The following FAM185A variants were observed in gnomAD, a reference collection of about 807,000 sequenced individuals.
FAM185A encodes family with sequence similarity 185 member A, also known as protein FAM185A.
In FAM185A, 21 loss-of-function variants were observed where a neutral mutation model predicts 45.7. That is an observed-to-expected ratio of 0.46 (90% CI 0.33 to 0.66). The LOEUF (loss-of-function observed/expected upper bound fraction) is 0.66, where lower values mean the gene tolerates loss of function less well. FAM185A is among the 30% of genes least tolerant of loss of function. FAM185A has a pLI of 0.03. For missense variants in FAM185A, 305 were observed against 485.4 expected, an observed-to-expected ratio of 0.63 and a Z score of 3.49; for synonymous variants, 117 against 194.0, an observed-to-expected ratio of 0.60 and a Z score of 3.30.
At chr7:102,833,684 A>G in the FAM185A span, among the ~76,000 whole-genome samples, 2 of 151,602 alleles carry the variant, frequency 1.3e-5, no homozygotes, top group Admixed American at 1.3e-4. Context: ...CACCCTCCCA[A>G]AGTGCTGGGA....
At chr7:102,833,489 A>G in the FAM185A span, among the ~76,000 whole-genome samples, 6 of 149,872 alleles carry the variant, frequency 4.0e-5, no homozygotes, top group South Asian at 2.1e-4. Flanking sequence ...TTGGAGTGCA[A>G]TGGTGCAATC....
chr7:102,758,089 A>G (rs1484681671), intron 3 of FAM185A, 143 bp downstream of exon 3: 1 of 611,406 alleles, frequency 1.6e-6, no homozygotes, highest in African/African-American at 1.9e-5. Context: ...CAAATTTGAA[A>G]TTGAAGTGAT....
At chr7:102,834,086 A>AAGGAAGGAAGGAAGGAAAAG in the FAM185A span, among the ~76,000 whole-genome samples, 3 of 93,678 alleles carry the variant, frequency 3.2e-5, no homozygotes, top group African/African-American at 1.4e-4. Context: ...GGAAGGAAAG[A>AAGGAAGGAAGGAAGGAAAAG]AAAGAAAGAA....
At chr7:102,839,094 C>T in the FAM185A span, among the ~76,000 whole-genome samples, 1 of 152,202 alleles carries the variant, frequency 6.6e-6, no homozygotes. Context: ...CGCCCTATGG[C>T]GGGAGACGAG....
the FAM185A span, among the ~76,000 whole-genome samples, chr7:102,823,076 C>A: frequency 5.9e-5 from 9 of 152,074 alleles, no homozygotes; most frequent in Admixed American, 3.3e-4. Flanking sequence ...GCCCTGCCCA[C>A]CCCCCACACA....
intron 4 of FAM185A, among the ~76,000 whole-genome samples, chr7:102,766,070 T>C (rs960167957): frequency 4.6e-5 from 7 of 152,208 alleles, no homozygotes; most frequent in Admixed American, 4.6e-4. Flanking sequence ...ATAAATATGG[T>C]TTTTCTGACT....
At chr7:102,846,664 C>CTCA in the FAM185A span, among the ~76,000 whole-genome samples, 1 of 151,456 alleles carries the variant, frequency 6.6e-6, no homozygotes. Context: ...CATGATCTTA[C>CTCA]TTGAAGGTAT....
At chr7:102,794,872 C>T (rs1223922937) in intron 7 of FAM185A, among the ~76,000 whole-genome samples, 1 of 152,160 alleles carries the variant, frequency 6.6e-6, no homozygotes, top group Non-Finnish European at 1.5e-5. Flanking sequence ...AATTTAAGGG[C>T]ATTATTCTGA....
chr7:102,797,425 G>A (rs1584355497), intron 7 of FAM185A, among the ~76,000 whole-genome samples: 1 of 152,022 alleles, frequency 6.6e-6, no homozygotes, highest in East Asian at 1.9e-4. Flanking sequence ...GCAGTAAGCC[G>A]AGATCGCACC....
At chr7:102,788,488 A>T (rs1270761216) in intron 7 of FAM185A, among the ~76,000 whole-genome samples, 1 of 152,184 alleles carries the variant, frequency 6.6e-6, no homozygotes, top group Non-Finnish European at 1.5e-5. Context: ...TTCATTTTAT[A>T]TGTCGTGAAA....
intron 6 of FAM185A, among the ~76,000 whole-genome samples, chr7:102,778,348 T>G (rs1795198577): frequency 2.0e-5 from 3 of 152,286 alleles, no homozygotes; most frequent in Admixed American, 6.5e-5. Flanking sequence ...TCTAAGAGCT[T>G]CAGGTAATAC....
chr7:102,824,950 G>A, the FAM185A span, among the ~76,000 whole-genome samples: 1 of 151,788 alleles, frequency 6.6e-6, no homozygotes, highest in South Asian at 2.1e-4. Flanking sequence ...GTTTTTCCTA[G>A]TGCATTCTTA....
At chr7:102,778,509 T>C (rs3748111) in intron 6 of FAM185A, among the ~76,000 whole-genome samples, 6,925 of 151,966 alleles carry the variant, frequency 0.046, 17 homozygotes, top group East Asian at 0.12. Context: ...ACAAATAATT[T>C]AATGTTTTGC....
chr7:102,834,115 AAAG>A, the FAM185A span, among the ~76,000 whole-genome samples: 3 of 115,988 alleles, frequency 2.6e-5, no homozygotes, highest in East Asian at 2.6e-4. Context: ...AGAAAGAAAG[AAAG>A]AAAGAAAGAA....
At chr7:102,801,802 G>C (rs1450102373) in intron 7 of FAM185A, among the ~76,000 whole-genome samples, 1 of 151,920 alleles carries the variant, frequency 6.6e-6, no homozygotes, top group Non-Finnish European at 1.5e-5. Flanking sequence ...GCGGGCACCT[G>C]TAATCCCAGC....
At chr7:102,822,827 C>T in the FAM185A span, among the ~76,000 whole-genome samples, 8 of 152,308 alleles carry the variant, frequency 5.3e-5, no homozygotes, top group African/African-American at 1.9e-4. Context: ...GATCCCAGCA[C>T]TTTGGTAGGC....
the FAM185A span, among the ~76,000 whole-genome samples, chr7:102,834,129 AGAAAG>A: frequency 7.7e-5 from 8 of 104,392 alleles, no homozygotes; most frequent in African/African-American, 3.2e-4. Flanking sequence ...AAAGAAAGAA[AGAAAG>A]AAAGAAAAGA....
At chr7:102,751,666 T>G (rs776927695) in intron 1 of FAM185A, 26 bp from the exon 2 acceptor site, 1 of 1,533,710 alleles carries the variant, frequency 6.5e-7, no homozygotes, top group Non-Finnish European at 8.8e-7. Context: ...CAGTACTAAC[T>G]TGCTTTTTTC....
chr7:102,840,451 C>T, the FAM185A span, among the ~76,000 whole-genome samples: 2 of 152,234 alleles, frequency 1.3e-5, no homozygotes, highest in East Asian at 1.9e-4. Flanking sequence ...GCAAGAAAGG[C>T]GGGGGAATTC....
Sources: allele counts gnomAD v4.1 joint callset (sites outside exome capture counted in the v4.1 genomes callset), GRCh38; gene constraint gnomAD v4.1.1; transcripts MANE v1.5; gene names NCBI Gene and HGNC (gene_info 2026-07-23, HGNC 2026-07-21).